The following DCP2 variants were observed in gnomAD, a reference collection of about 807,000 sequenced individuals.
DCP2 encodes m7GpppN-mRNA hydrolase.
A neutral mutation model predicts 56.1 loss-of-function variants in DCP2; 30 were observed. The ratio of observed to expected loss-of-function variants is 0.53; its 90% CI spans 0.40 to 0.73. The LOEUF (loss-of-function observed/expected upper bound fraction) is 0.73, where lower values mean the gene tolerates loss of function less well. Ranked by LOEUF, DCP2 falls within the 30% of genes least tolerant of loss-of-function variation. The pLI is 0.00. For synonymous variants in DCP2, 197 were observed against 163.3 expected (o/e 1.21, Z -1.57); for missense variants, 533 against 502.7 (o/e 1.06, Z -0.58).
intron 2 of DCP2, among the ~76,000 whole-genome samples, chr5:112,987,418 T>G (rs891252603): frequency 2.0e-5 from 3 of 152,174 alleles, no homozygotes; most frequent in African/African-American, 7.2e-5. Flanking sequence ...TATGGGTTCT[T>G]AAATCTTGAG....
intron 4 of DCP2, among the ~76,000 whole-genome samples, chr5:113,000,344 AGGTGTGAGC>A (rs1312731424): frequency 8.4e-4 from 128 of 151,672 alleles, no homozygotes; most frequent in African/African-American, 3.0e-3. Context: ...CTGAGATTGC[AGGTGTGAGC>A]CACTGTGCCC....
At position 113,013,221 on chromosome 5, in the gene DCP2, T is replaced by C. The variant is rs777631113; in HGVS notation, c.1100-100T>C. ...GGGTTAGAGTCTGGGAAGATAAATA[T>C]ATACTCAAAACTAATTGTTTTGTAA... is the stretch of plus-strand genomic sequence containing the variant. On this transcript the variant is annotated intron_variant, in intron 10 of 10. Coordinates refer to ENST00000389063, the MANE Select transcript of DCP2 (RefSeq NM_152624.6). 13 of 1,265,242 alleles carry C rather than the reference T, an allele frequency of 1.0e-5. No individual in the cohort carries two copies. The African/African-American group carries it at 1.7e-4, about 16-fold the overall frequency. The allele number at this position is 1,265,242 out of a possible 1,614,324, so 78.4% of individuals were successfully genotyped here.
At chr5:113,008,225 A>G (rs556993246) in intron 9 of DCP2, 183 bp downstream of exon 9, 3 of 508,994 alleles carry the variant, frequency 5.9e-6, no homozygotes, top group African/African-American at 5.7e-5. Context: ...TCTTAATTAC[A>G]AATGTATAAT....
At chr5:112,992,963 C>T (rs928125921) in intron 4 of DCP2, among the ~76,000 whole-genome samples, 193 bp downstream of exon 4, 1 of 149,226 alleles carries the variant, frequency 6.7e-6, no homozygotes, top group African/African-American at 2.5e-5. Flanking sequence ...TTATTCTTAT[C>T]TGTTCCCATT....
chr5:112,981,678 C>G (rs1016970693), intron 1 of DCP2, among the ~76,000 whole-genome samples: 2 of 152,188 alleles, frequency 1.3e-5, no homozygotes, highest in African/African-American at 4.8e-5. Context: ...GTTCTTATAT[C>G]CTACAAATTG....
At chr5:112,994,899 CTGTT>C (rs759477715) in intron 4 of DCP2, among the ~76,000 whole-genome samples, 53 of 152,130 alleles carry the variant, frequency 3.5e-4, no homozygotes, top group Non-Finnish European at 4.6e-4. Flanking sequence ...GAATTTAAGA[CTGTT>C]TGAAATGGTA....
In DCP2 at chr5:113,019,493, A is replaced by G. The variant is rs1019740417; in HGVS notation, c.*6009A>G. The G allele has an allele frequency of 6.6e-6, 1 of 152,222 alleles. No individual in the cohort carries two copies. Among genetic ancestry groups the G allele is most frequent in the Non-Finnish European group, 1.5e-5 (1 of 68,044 alleles). The allele number at this position is 152,222 out of a possible 1,614,324, so 9.4% of individuals were successfully genotyped here. ...TAGGTTTGTGTTAGGATGTTGCACA[A>G]GTAATCATTTAATGTTAAATGCAAG... On this transcript the variant is annotated 3_prime_UTR_variant, in exon 11 of 11. Coordinates refer to ENST00000389063, the MANE Select transcript of DCP2 (RefSeq NM_152624.6).
intron 1 of DCP2, among the ~76,000 whole-genome samples, chr5:112,981,284 A>G (rs1350418544): frequency 1.3e-5 from 2 of 152,096 alleles, no homozygotes; most frequent in Non-Finnish European, 2.9e-5. Flanking sequence ...TGTTGAGATT[A>G]CAGGTGTGAA....
intron 8 of DCP2, among the ~76,000 whole-genome samples, chr5:113,004,480 CT>C (rs1028952142): frequency 1.5e-4 from 23 of 152,210 alleles, no homozygotes; most frequent in Non-Finnish European, 3.4e-4. Flanking sequence ...ACTTGTTTTC[CT>C]TTTTTCCACA....
chr5:112,996,383 A>T (rs573992043), intron 4 of DCP2, among the ~76,000 whole-genome samples: 3 of 152,334 alleles, frequency 2.0e-5, no homozygotes, highest in East Asian at 3.9e-4. Flanking sequence ...GCTACTGATT[A>T]GACTTAGGCT....
At chr5:113,013,201 A>G in intron 10 of DCP2, 120 bp from the exon 11 acceptor site, 2 of 1,022,216 alleles carry the variant, frequency 2.0e-6, no homozygotes, top group African/African-American at 1.6e-5. Flanking sequence ...GTTTAGGGTT[A>G]GAGTCTGGGA....
intron 1 of DCP2, among the ~76,000 whole-genome samples, chr5:112,980,568 T>C (rs1747956269): frequency 7.6e-6 from 1 of 131,852 alleles, no homozygotes; most frequent in Non-Finnish European, 1.6e-5. Context: ...CATACACATA[T>C]GTACACGTAC....
Position 113,022,173 on chromosome 5 carries a change from T to C in DCP2, c.*8689T>C, listed in dbSNP as rs1750181287. On this transcript the variant is annotated 3_prime_UTR_variant, in exon 11 of 11. Coordinates refer to ENST00000389063, the MANE Select transcript of DCP2 (RefSeq NM_152624.6). ...AATATTATAAATGTCTCTGTATAAA[T>C]AAATGGAGTTTTTAAAAAACAATTC... 6.6e-6 allele frequency: 1 copy of C among 152,564 alleles called. No homozygotes were observed. The highest frequency in any genetic ancestry group is 1.5e-5 in the Non-Finnish European group (1 of 68,036). 9.5% of individuals were successfully genotyped at this position (152,564 alleles called of 1,614,324 possible).
chr5:113,001,215 A>G lies in DCP2; in HGVS notation c.564A>G (p.Pro188=). 1 of 1,613,148 alleles carries G rather than the reference A, an allele frequency of 6.2e-7. No homozygotes were observed. The highest frequency in any genetic ancestry group is 8.5e-7 in the Non-Finnish European group (1 of 1,179,790). The change falls in exon 5 of 11, where the codon CCA becomes CCG. Residue 188 remains proline, a synonymous_variant. Coordinates refer to ENST00000389063, the MANE Select transcript of DCP2 (RefSeq NM_152624.6). ...TTCCAAAAGACACAAAATTTAACCC[A>G]AAAACTAGAAGAGAAATTCGGGTAT... is the stretch of plus-strand genomic sequence containing the variant. ...PGIPKDTKFN[P]KTRREIRNIE...
At chr5:113,007,248 A>C (rs1749481161) in intron 8 of DCP2, among the ~76,000 whole-genome samples, 1 of 152,162 alleles carries the variant, frequency 6.6e-6, no homozygotes, top group Non-Finnish European at 1.5e-5. Flanking sequence ...TGATTACTAC[A>C]TCTACCCATT....
At chr5:112,984,697 AAAAAAAATATAT>A (rs2063045769) in intron 1 of DCP2, 1 of 76,200 alleles carries the variant, frequency 1.3e-5, no homozygotes, top group Admixed American at 1.2e-4. Flanking sequence ...AAAAAAAAAA[AAAAAAAATATAT>A]ATATATATAT....
At chr5:113,000,118 C>T (rs1749083610) in intron 4 of DCP2, among the ~76,000 whole-genome samples, 1 of 150,240 alleles carries the variant, frequency 6.7e-6, no homozygotes, top group African/African-American at 2.4e-5. Context: ...CCATGCCAGG[C>T]TAATTTTTAT....
At chr5:113,012,603 C>G (rs960466040) in intron 10 of DCP2, among the ~76,000 whole-genome samples, 1 of 152,018 alleles carries the variant, frequency 6.6e-6, no homozygotes, top group Non-Finnish European at 1.5e-5. Flanking sequence ...TTTTGTTGTA[C>G]TATGATTTGG....
chr5:112,977,653 A>C (rs1400210275), intron 1 of DCP2, among the ~76,000 whole-genome samples: 1 of 152,130 alleles, frequency 6.6e-6, no homozygotes, highest in Non-Finnish European at 1.5e-5. Flanking sequence ...GCGGGGTTTT[A>C]ACTCAGGGTG....
Sources: gnomAD v4.1 joint callset for allele counts (sites outside exome capture counted in the v4.1 genomes callset) on GRCh38, gnomAD v4.1.1 for gene constraint, MANE v1.5 for transcripts, NCBI Gene and HGNC (gene_info 2026-07-23, HGNC 2026-07-21) for gene names.